Variants in FGF9 observed in about 807,000 individuals in gnomAD.
FGF9 encodes the protein fibroblast growth factor 9 (glia-activating factor).
A neutral mutation model predicts 19.9 loss-of-function variants in FGF9; 3 were observed. The observed-to-expected ratio is 0.15, with a 90% CI of 0.07 to 0.39. FGF9 has a LOEUF of 0.39. Among genes scored for constraint, FGF9 ranks in the 10% least tolerant of loss-of-function variants. The pLI, the probability that FGF9 is intolerant of heterozygous loss-of-function variation, is 1.00. For missense variants in FGF9, 175 were observed against 256.8 expected, an observed-to-expected ratio of 0.68 and a Z score of 2.18; for synonymous variants, 107 against 106.9, an observed-to-expected ratio of 1.00 and a Z score of -0.01.
At chr13:21,689,889 T>A (rs776005642) in intron 2 of FGF9, among the ~76,000 whole-genome samples, 4 of 152,184 alleles carry the variant, frequency 2.6e-5, no homozygotes, top group Non-Finnish European at 5.9e-5. Context: ...GCCCAGCGTC[T>A]CCAAGCTCTT....
At position 21,703,201 on chromosome 13, in the gene FGF9, T is replaced by C. The variant is rs1224607184; in HGVS notation, c.*1766T>C. The C allele has an allele frequency of 1.3e-5, 2 of 152,248 alleles. No individual in the cohort carries two copies. The highest frequency in any genetic ancestry group is 4.8e-5 in the African/African-American group (2 of 41,464). 9.4% of individuals were successfully genotyped at this position (152,248 alleles called of 1,614,324 possible). On this transcript the variant is annotated 3_prime_UTR_variant, in exon 3 of 3. Transcript: ENST00000382353. ...CGGTTTAAACATGTGTTGGGATTTA[T>C]TGAACTAATTTTAAAATTTACTATT...
chr13:21,684,270 T>G (rs559958225), intron 2 of FGF9, among the ~76,000 whole-genome samples: 1 of 152,342 alleles, frequency 6.6e-6, no homozygotes, highest in South Asian at 2.1e-4. Context: ...CAGTACAGTT[T>G]ACAGTGTGGT....
chr13:21,689,112 C>T (rs934952299), intron 2 of FGF9, among the ~76,000 whole-genome samples: 1 of 152,172 alleles, frequency 6.6e-6, no homozygotes, highest in Non-Finnish European at 1.5e-5. Context: ...TTCCTAAGAA[C>T]AGGTGCAGCT....
At chr13:21,689,931 C>T (rs1872248239) in intron 2 of FGF9, among the ~76,000 whole-genome samples, 1 of 152,208 alleles carries the variant, frequency 6.6e-6, no homozygotes, top group Non-Finnish European at 1.5e-5. Flanking sequence ...CCTCCTAAAT[C>T]CTGGCATTCC....
chr13:21,702,402 A>G lies in FGF9; in HGVS notation c.*967A>G, dbSNP rs1157113455. 1 of 152,236 alleles carries G rather than the reference A, an allele frequency of 6.6e-6. No homozygotes were observed. The highest frequency in any genetic ancestry group is 2.4e-5 in the African/African-American group (1 of 41,454). 9.4% of individuals were successfully genotyped at this position (152,236 alleles called of 1,614,324 possible). A position where few individuals can be genotyped will look rare whatever the true frequency, so the allele number is the denominator to read the frequency against. On this transcript the variant is annotated 3_prime_UTR_variant, in exon 3 of 3. Transcript: ENST00000382353. ...CTCAAACTTTGATTCTGTGTCTGCA[A>G]TATTTCCTCTCTCATAAGTGACTCC... is the stretch of plus-strand genomic sequence containing the variant.
chr13:21,697,893 GC>G (rs1872448030), intron 2 of FGF9, among the ~76,000 whole-genome samples: 3 of 149,818 alleles, frequency 2.0e-5, no homozygotes, highest in East Asian at 2.0e-4. Flanking sequence ...TGCAAGCTCC[GC>G]CCTCCCGGGT....
At chr13:21,693,715 C>G (rs1872344380) in intron 2 of FGF9, among the ~76,000 whole-genome samples, 1 of 152,144 alleles carries the variant, frequency 6.6e-6, no homozygotes, top group Admixed American at 6.5e-5. Flanking sequence ...CCCCAGAGTG[C>G]AAGGAAGTAG....
chr13:21,676,511 A>G (rs930866110), intron 1 of FGF9, among the ~76,000 whole-genome samples: 5 of 152,200 alleles, frequency 3.3e-5, no homozygotes, highest in Admixed American at 1.3e-4. Flanking sequence ...TATAACTCCC[A>G]TTCAGTTAGT....
In FGF9 at chr13:21,671,833, T is replaced by C. The variant is rs892782413; in HGVS notation, c.-80T>C. 9.8e-6 allele frequency: 15 copies of C among 1,532,214 alleles called. No homozygotes were observed. Among genetic ancestry groups the C allele is most frequent in the Middle Eastern group, 1.8e-4 (1 of 5,624 alleles). The allele number at this position is 1,532,214 out of a possible 1,614,324, so 94.9% of individuals were successfully genotyped here. ...TGCAACTGCAGTAAGGGAGGGGAGT[T>C]GGATATACCTCGCCTAATATCTCCT... On this transcript the variant is annotated 5_prime_UTR_variant, in exon 1 of 3. Coordinates refer to ENST00000382353, the MANE Select transcript of FGF9 (RefSeq NM_002010.3).
chr13:21,699,116 T>C (rs542666002), intron 2 of FGF9, among the ~76,000 whole-genome samples: 1 of 152,222 alleles, frequency 6.6e-6, no homozygotes, highest in Admixed American at 6.5e-5. Context: ...AAGGAGGAGG[T>C]TGGGTTGCCC....
intron 2 of FGF9, among the ~76,000 whole-genome samples, chr13:21,685,938 C>T (rs1045192985): frequency 2.0e-5 from 3 of 152,122 alleles, no homozygotes; most frequent in Non-Finnish European, 2.9e-5. Context: ...ACACACTTGG[C>T]CAGGGGATTA....
chr13:21,676,435 G>A (rs1311468739), intron 1 of FGF9, among the ~76,000 whole-genome samples: 1 of 152,172 alleles, frequency 6.6e-6, no homozygotes, highest in Non-Finnish European at 1.5e-5. Flanking sequence ...AATGTCTCAG[G>A]AAAACACTGG....
At chr13:21,700,301 C>T (rs1302518307) in intron 2 of FGF9, among the ~76,000 whole-genome samples, 2 of 152,024 alleles carry the variant, frequency 1.3e-5, no homozygotes, top group East Asian at 1.9e-4. Flanking sequence ...TTTGCTTTTA[C>T]GTTGGATTCA....
At chr13:21,677,966 C>G (rs1194160131) in intron 1 of FGF9, among the ~76,000 whole-genome samples, 2 of 152,234 alleles carry the variant, frequency 1.3e-5, no homozygotes, top group African/African-American at 4.8e-5. Context: ...CTGCCCATAC[C>G]CTGAACAGCT....
chr13:21,671,924 A>G lies in FGF9; in HGVS notation c.12A>G (p.Leu4=). Residue 4 remains leucine (L), a synonymous_variant, in exon 1 of 3, where the codon TTA becomes TTG. Coordinates refer to ENST00000382353, the MANE Select transcript of FGF9 (RefSeq NM_002010.3). ...AGCCGAGTCCTCTGATGGCTCCCTT[A>G]GGTGAAGTTGGGAACTATTTCGGTG... MAP[L]GEVGNYFGVQ... 6.2e-7 allele frequency: 1 copy of G among 1,614,044 alleles called. No homozygotes were observed. The highest frequency in any genetic ancestry group is 8.5e-7 in the Non-Finnish European group (1 of 1,180,014).
rs139390790 is a variant in FGF9 at position 21,692,297 on chromosome 13, G to A, written c.382-8893G>A. Among the ~76,000 whole-genome samples, 113 of 150,862 alleles carry A rather than the reference G, an allele frequency of 7.5e-4. No homozygotes were observed. In the East Asian group the frequency reaches 0.015, roughly 21 times the overall value. On this transcript the variant is annotated intron_variant, in intron 2 of 2. Transcript: ENST00000382353. ...TCCCTTCCTTTTCCCCCCTTCTTTC[G>A]TTTTCCATGTGAATTTCTGTGTTTC... is the stretch of plus-strand genomic sequence containing the variant.
chr13:21,684,310 C>A (rs1204217140), intron 2 of FGF9, among the ~76,000 whole-genome samples: 4 of 151,828 alleles, frequency 2.6e-5, no homozygotes, highest in African/African-American at 9.7e-5. Context: ...CCTAATGTAT[C>A]TAAAGGGCAT....
intron 1 of FGF9, among the ~76,000 whole-genome samples, chr13:21,674,494 G>T (rs968564289): frequency 6.6e-6 from 1 of 151,828 alleles, no homozygotes; most frequent in African/African-American, 2.4e-5. Context: ...CTTCACAACC[G>T]GGGGAGCCCG....
intron 1 of FGF9, chr13:21,673,922 G>A (rs1871836849): frequency 2.0e-5 from 3 of 152,128 alleles, no homozygotes; most frequent in Non-Finnish European, 4.4e-5. Context: ...AAACGCGCTC[G>A]CGTTCCGGCT....
Sources: gnomAD v4.1 joint callset for allele counts (sites outside exome capture counted in the v4.1 genomes callset) on GRCh38, gnomAD v4.1.1 for gene constraint, MANE v1.5 for transcripts, NCBI Gene and HGNC (gene_info 2026-07-23, HGNC 2026-07-21) for gene names.